Variants in RIMBP2 observed in about 807,000 individuals in gnomAD.
RIMBP2 encodes RIMS binding protein 2, also known as RIMS-binding protein 2.
In RIMBP2, 48 loss-of-function variants were observed where a neutral mutation model predicts 118.6. The observed-to-expected ratio is 0.40, with a 90% CI of 0.32 to 0.51. The LOEUF is 0.51. Ranked by LOEUF, RIMBP2 falls within the 20% of genes least tolerant of loss-of-function variation. The probability of loss-of-function intolerance (pLI) is 0.41; values close to 1 mark genes in which losing one functional copy is unlikely to be tolerated. For missense variants in RIMBP2, 1,551 were observed against 1,768.3 expected, an observed-to-expected ratio of 0.88 and a Z score of 2.20; for synonymous variants, 762 against 742.9, an observed-to-expected ratio of 1.03 and a Z score of -0.42.
chr12:130,563,270 C>G (rs914491004), intron 2 of RIMBP2, among the ~76,000 whole-genome samples: 1 of 152,216 alleles, frequency 6.6e-6, no homozygotes, highest in African/African-American at 2.4e-5. Context: ...ACTTGAAACG[C>G]GTTCTTACGC....
Position 130,475,882 on chromosome 12 carries a change from G to A in RIMBP2, c.102+3030C>T, listed in dbSNP as rs1044792556. Among the ~76,000 whole-genome samples the A allele has an allele frequency of 2.6e-5, 4 of 152,030 alleles. No individual in the cohort carries two copies. In the South Asian group the frequency reaches 6.2e-4, roughly 24 times the overall value. On this transcript the variant is annotated intron_variant, in intron 5 of 22. Coordinates refer to ENST00000690449, the MANE Select transcript of RIMBP2 (RefSeq NM_001393629.1). The surrounding 1 kb of genome is among the most constrained non-coding windows in gnomAD (Gnocchi z 4.1). The stretch of plus-strand genomic sequence containing the variant: ...GACAGAGGGGAGTTCTGTGTGGGAC[G>A]TGGCGTCCGAGGCCCCCCAAGCAGT...
intron 19 of RIMBP2, among the ~76,000 whole-genome samples, chr12:130,409,460 G>A (rs558671419): frequency 3.3e-4 from 48 of 146,458 alleles, no homozygotes; most frequent in African/African-American, 1.1e-3. Flanking sequence ...CTCCTGCTTC[G>A]GCCTCCTGAG....
intron 13 of RIMBP2, among the ~76,000 whole-genome samples, chr12:130,436,640 T>G (rs2077537039): frequency 6.6e-6 from 1 of 152,194 alleles, no homozygotes; most frequent in Non-Finnish European, 1.5e-5. Context: ...TGTGGCTACA[T>G]ATTAGCAAAT....
At chr12:130,423,922 G>A (rs1019450980) in intron 16 of RIMBP2, among the ~76,000 whole-genome samples, 1 of 152,054 alleles carries the variant, frequency 6.6e-6, no homozygotes, top group Non-Finnish European at 1.5e-5. Context: ...CTGATTCTGG[G>A]GGGTGGAAAT....
rs1285068591 is a variant in RIMBP2 at position 130,620,823 on chromosome 12, GGGCCT to G, written c.-217+7494_-217+7498del. On this transcript the variant is annotated intron_variant, in intron 2 of 22. Transcript: ENST00000690449. The surrounding 1 kb of genome is among the most constrained non-coding windows in gnomAD (Gnocchi z 5.3). ...AGTAAGATCACATTTTGAGGGGGCT[GGGCCT>G]CCAACATTCTTTTTGTAGGGAACAC... Among the ~76,000 whole-genome samples the G allele has an allele frequency of 6.6e-6, 1 of 152,154 alleles. No individual in the cohort carries two copies. The highest frequency in any genetic ancestry group is 1.5e-5 in the Non-Finnish European group (1 of 68,044).
intron 1 of RIMBP2, among the ~76,000 whole-genome samples, chr12:130,707,285 G>A (rs926307468): frequency 3.9e-5 from 6 of 152,190 alleles, no homozygotes; most frequent in Non-Finnish European, 8.8e-5. Context: ...TCACAGAATG[G>A]AACGGTGCCC....
At chr12:130,570,400 T>A (rs938175935) in intron 2 of RIMBP2, among the ~76,000 whole-genome samples, 10 of 152,150 alleles carry the variant, frequency 6.6e-5, no homozygotes, top group Non-Finnish European at 1.5e-4. Flanking sequence ...CACTCCAGCC[T>A]GGGCAACAGA....
chr12:130,680,612 G>T (rs2064735984), intron 1 of RIMBP2, among the ~76,000 whole-genome samples: 1 of 152,196 alleles, frequency 6.6e-6, no homozygotes, highest in Non-Finnish European at 1.5e-5. Flanking sequence ...AGGCAATTTT[G>T]CCCCCACCCA....
chr12:130,402,256 G>A (rs1402833436), intron 21 of RIMBP2, among the ~76,000 whole-genome samples: 1 of 152,154 alleles, frequency 6.6e-6, no homozygotes, highest in African/African-American at 2.4e-5. Flanking sequence ...CACCCCTCAA[G>A]CTCAAGAGTT....
chr12:130,679,792 T>TA (rs1300987079), intron 1 of RIMBP2, among the ~76,000 whole-genome samples: 2 of 152,108 alleles, frequency 1.3e-5, no homozygotes, highest in Non-Finnish European at 2.9e-5. Context: ...AACAAAGAAA[T>TA]AAAAAATATA....
intron 1 of RIMBP2, among the ~76,000 whole-genome samples, chr12:130,672,589 G>A (rs1390550786): frequency 6.6e-6 from 1 of 152,218 alleles, no homozygotes; most frequent in Admixed American, 6.5e-5. Flanking sequence ...ACGTGGGCAA[G>A]TTGCCAGCTA....
At chr12:130,534,024 G>A (rs544740764) in intron 2 of RIMBP2, among the ~76,000 whole-genome samples, 83 of 151,918 alleles carry the variant, frequency 5.5e-4, no homozygotes, top group African/African-American at 2.0e-3. Flanking sequence ...AAATTAGCCA[G>A]GCATGGTGGT....
Position 130,436,892 on chromosome 12 carries a change from C to G in RIMBP2, c.2056G>C (p.Ala686Pro). The G allele has an allele frequency of 6.3e-7, 1 of 1,584,746 alleles. No homozygotes were observed. Among genetic ancestry groups the G allele is most frequent in the Non-Finnish European group, 8.6e-7 (1 of 1,167,200 alleles). The change falls in exon 13 of 23, where the codon GCC (alanine) becomes CCC (proline). Residue 686 changes from alanine (A) to proline (P), a missense_variant. Ala to Pro is a conservative substitution (Grantham distance 27, BLOSUM62 -1). This residue lies in a region of RIMBP2 where 1,038 missense variants were observed against 1,125.1 expected (regional missense o/e 0.92). Transcript: ENST00000690449. ...PQGTPVSTTV[A>P]KAMAREAAQR... ...GCGGCCTCCCGGGCCATGGCCTTGG[C>G]GACGGTGGTGGACACCGGGGTGCCC...
At chr12:130,499,822 C>T (rs2049566358) in intron 4 of RIMBP2, among the ~76,000 whole-genome samples, 1 of 152,200 alleles carries the variant, frequency 6.6e-6, no homozygotes, top group Non-Finnish European at 1.5e-5. Flanking sequence ...CAACTCTCTA[C>T]CAGAACCAAG....
At chr12:130,438,335 A>ACCCCCCCCCCCCCCCCCC in intron 12 of RIMBP2, 30 bp downstream of exon 12, 3 of 864,994 alleles carry the variant, frequency 3.5e-6, no homozygotes, top group Non-Finnish European at 3.8e-6. Flanking sequence ...GGCCTAACAA[A>ACCCCCCCCCCCCCCCCCC]CCCTCCCCAC....
At chr12:130,473,293 C>T (rs1444465409) in intron 5 of RIMBP2, among the ~76,000 whole-genome samples, 1 of 152,202 alleles carries the variant, frequency 6.6e-6, no homozygotes, top group Non-Finnish European at 1.5e-5. Flanking sequence ...AAAGTGCGAC[C>T]TTTACGGAGA....
chr12:130,563,821 T>G (rs1413735141), intron 2 of RIMBP2, among the ~76,000 whole-genome samples: 1 of 152,216 alleles, frequency 6.6e-6, no homozygotes, highest in Non-Finnish European at 1.5e-5. Context: ...GCGATCCTTT[T>G]GAAATGTAAG....
chr12:130,526,249 G>A (rs766246504), intron 2 of RIMBP2, among the ~76,000 whole-genome samples: 23 of 151,822 alleles, frequency 1.5e-4, no homozygotes, highest in Admixed American at 1.2e-3. Context: ...TATTCAGGAC[G>A]AAAGCCAACA....
intron 6 of RIMBP2, among the ~76,000 whole-genome samples, chr12:130,462,183 T>C (rs933154848): frequency 6.6e-6 from 1 of 152,138 alleles, no homozygotes; most frequent in Non-Finnish European, 1.5e-5. Context: ...TGTACCCACA[T>C]AAGCCTCCGA....
Sources: gnomAD v4.1 joint callset for allele counts (sites outside exome capture counted in the v4.1 genomes callset) on GRCh38, gnomAD v4.1.1 for gene constraint, gnomAD v4.1.1 regional missense constraint, Gnocchi (gnomAD v3.1) non-coding constraint, MANE v1.5 for transcripts, NCBI Gene and HGNC (gene_info 2026-07-23, HGNC 2026-07-21) for gene names.